ACTR8: variants seen among roughly 807,000 people sequenced by gnomAD.
The protein encoded by ACTR8 is actin related protein 8, also known as actin-related protein 8.
A neutral mutation model predicts 84.3 loss-of-function variants in ACTR8; 70 were observed. That is an observed-to-expected ratio of 0.83 (90% CI 0.68 to 1.01). The LOEUF is 1.01. ACTR8 is among the 50% of genes least tolerant of loss of function. ACTR8 has a pLI of 0.00. For missense variants in ACTR8, 672 were observed against 775.4 expected, an observed-to-expected ratio of 0.87 and a Z score of 1.58; for synonymous variants, 268 against 275.2, an observed-to-expected ratio of 0.97 and a Z score of 0.26.
rs374403195 is a variant in ACTR8, at chr3:53,871,401, G to T, written c.1398C>A (p.Leu466=). ...RGQSSDLPER[L]HSQEVDLGSA... ...ACCCCAAATCTACCTCCTGGGAATGGAGTCTTTCTGGAAGATCAGAGGACT... is the reference window on the plus strand; with the variant it reads ...ACCCCAAATCTACCTCCTGGGAATGTAGTCTTTCTGGAAGATCAGAGGACT... The change falls in exon 11 of 13, where the codon CTC becomes CTA. Residue 466 remains leucine (L), a synonymous_variant. Transcript: ENST00000335754. The T allele has an allele frequency of 1.2e-6, 2 of 1,614,250 alleles. No homozygotes were observed. The highest frequency in any genetic ancestry group is 1.1e-5 in the South Asian group (1 of 91,086).
Position 53,872,500 on chromosome 3 carries a change from C to A in ACTR8, c.1186G>T (p.Ala396Ser). 6.2e-7 allele frequency: 1 copy of A among 1,607,334 alleles called. No homozygotes were observed. The highest frequency in any genetic ancestry group is 8.5e-7 in the Non-Finnish European group (1 of 1,177,544). Reference sequence around the variant, plus strand: ...TTCTGTCCAACGATTCCAAAAGTTGCGGGGTAAAACAAAGCCATTGGAGCC... The same window carrying A: ...TTCTGTCCAACGATTCCAAAAGTTGAGGGGTAAAACAAAGCCATTGGAGCC... Reference protein sequence around the residue: ...LQAPMALFYPATFGIVGQKMT... With the variant: ...LQAPMALFYPSTFGIVGQKMT... Residue 396 changes from alanine (A) to serine (S), a missense_variant, in exon 10 of 13, where the codon GCA (alanine) becomes TCA (serine). By Grantham distance (99) the Ala-to-Ser change is moderately conservative. Transcript: ENST00000335754.
chr3:53,873,527 C>T (rs1008452640), intron 8 of ACTR8, among the ~76,000 whole-genome samples: 11 of 152,178 alleles, frequency 7.2e-5, no homozygotes, highest in Non-Finnish European at 1.5e-4. Context: ...AATGATTAAA[C>T]ATTGATTGTT....
rs375589353 is a variant in ACTR8 at position 53,871,376 on chromosome 3, A to T, written c.1423T>A (p.Ser475Thr). Reference protein sequence around the residue: ...RLHSQEVDLGSAQGDGLMAGN... With the variant: ...RLHSQEVDLGTAQGDGLMAGN... Reference sequence around the variant, plus strand: ...GCCATCAGGCCATCTCCCTGTGCAGACCCCAAATCTACCTCCTGGGAATGG... The same window carrying T: ...GCCATCAGGCCATCTCCCTGTGCAGTCCCCAAATCTACCTCCTGGGAATGG... Residue 475 changes from serine to threonine, a missense_variant, in exon 11 of 13, where the codon TCT (serine) becomes ACT (threonine). Transcript: ENST00000335754. 4 of 1,614,076 alleles carry T rather than the reference A, an allele frequency of 2.5e-6. No individual in the cohort carries two copies. In the African/African-American group the frequency reaches 4.0e-5, roughly 16 times the overall value.
intron 3 of ACTR8, 34 bp from the exon 4 acceptor site, chr3:53,877,785 T>C: frequency 1.3e-6 from 2 of 1,583,560 alleles, no homozygotes; most frequent in Non-Finnish European, 1.7e-6. Context: ...ATTATCTCAA[T>C]TTATTCAAGG....
downstream of ACTR8, among the ~76,000 whole-genome samples, chr3:53,863,762 G>C (rs1419616302): frequency 6.6e-6 from 1 of 151,830 alleles, no homozygotes; most frequent in African/African-American, 2.4e-5. Flanking sequence ...CAGAGGTCAA[G>C]TGTCCCTGTT....
chr3:53,875,676 T>G (rs1182602088), intron 7 of ACTR8, among the ~76,000 whole-genome samples: 1 of 152,242 alleles, frequency 6.6e-6, no homozygotes, highest in Non-Finnish European at 1.5e-5. Flanking sequence ...CTGTTTACGT[T>G]TCCCCTATGG....
At position 53,870,294 on chromosome 3, in the gene ACTR8, T is replaced by C. The variant is rs1699863682; in HGVS notation, c.1568-149A>G. ...CTCCACACTGCAGCCAGGGGAACCC[T>C]ACGAAACACAAATGTAGGCATGTTG... On this transcript the variant is annotated intron_variant, in intron 11 of 12. Transcript: ENST00000335754. The surrounding 1 kb of genome is among the most constrained non-coding windows in gnomAD (Gnocchi z 4.1). The C allele has an allele frequency of 1.1e-6, 1 of 870,356 alleles. No individual in the cohort carries two copies. Among genetic ancestry groups the C allele is most frequent in the Admixed American group, 2.5e-5 (1 of 39,966 alleles). The allele number at this position is 870,356 out of a possible 1,614,324, so 53.9% of individuals were successfully genotyped here.
chr3:53,880,415 G>A (rs911790406), intron 1 of ACTR8, among the ~76,000 whole-genome samples: 1 of 152,176 alleles, frequency 6.6e-6, no homozygotes, highest in Non-Finnish European at 1.5e-5. Flanking sequence ...AAGAAATGTT[G>A]CTATAGAATC....
intron 7 of ACTR8, among the ~76,000 whole-genome samples, chr3:53,875,645 A>C (rs1272728083): frequency 6.6e-6 from 1 of 152,218 alleles, no homozygotes; most frequent in African/African-American, 2.4e-5. Flanking sequence ...ATGCCAAACC[A>C]CAGCTAAAGA....
chr3:53,871,019 A>G (rs1254847528), intron 11 of ACTR8: 1 of 593,840 alleles, frequency 1.7e-6, no homozygotes, highest in Non-Finnish European at 2.8e-6. Context: ...ACATTTGTGT[A>G]ATAATCTGAC....
At chr3:53,871,151 A>G in intron 11 of ACTR8, 81 bp downstream of exon 11, 2 of 1,525,064 alleles carry the variant, frequency 1.3e-6, no homozygotes, top group South Asian at 1.2e-5. Flanking sequence ...TATACTGCAC[A>G]AGTATATCCT....
chr3:53,876,040 T>C lies in ACTR8; in HGVS notation c.819A>G (p.Gly273=). Residue 273 remains glycine, a synonymous_variant, in exon 7 of 13, where the codon GGA becomes GGG. Transcript: ENST00000335754. ...VHQESVCATY[G]SGLSSTCIVD... Reference sequence around the variant, plus strand: ...CAATACACGTGCTGCTTAAGCCACTTCCATAGGTGGCACACACAGACTCCT... The same window carrying C: ...CAATACACGTGCTGCTTAAGCCACTCCCATAGGTGGCACACACAGACTCCT... 1 of 1,613,976 alleles carries C rather than the reference T, an allele frequency of 6.2e-7. No homozygotes were observed. The highest frequency in any genetic ancestry group is 8.5e-7 in the Non-Finnish European group (1 of 1,180,022).
intron 8 of ACTR8, 54 bp downstream of exon 8, chr3:53,874,157 T>C: frequency 6.4e-7 from 1 of 1,561,982 alleles, no homozygotes; most frequent in Non-Finnish European, 8.7e-7. Flanking sequence ...CTTTTAAATC[T>C]CTTAAATTTT....
In ACTR8 at chr3:53,871,318, A is replaced by G; in HGVS notation, c.1481T>C (p.Leu494Pro). The G allele has an allele frequency of 6.2e-7, 1 of 1,614,258 alleles. No individual in the cohort carries two copies. The highest frequency in any genetic ancestry group is 8.5e-7 in the Non-Finnish European group (1 of 1,180,042). The change falls in exon 11 of 13, where the codon CTG (leucine) becomes CCG (proline). Residue 494 changes from leucine to proline, a missense_variant. Transcript: ENST00000335754. ...GNDSEEALTA[L>P]MSRKTAISLF... Reference sequence around the variant, plus strand: ...CGAGATGGCAGTCTTCCTGGACATCAGTGCAGTGAGGGCCTCCTCGGAATC... The same window carrying G: ...CGAGATGGCAGTCTTCCTGGACATCGGTGCAGTGAGGGCCTCCTCGGAATC...
chr3:53,868,805 T>C lies in ACTR8; in HGVS notation c.1789A>G (p.Thr597Ala). 6.2e-7 allele frequency: 1 copy of C among 1,614,226 alleles called. No homozygotes were observed. The highest frequency in any genetic ancestry group is 8.5e-7 in the Non-Finnish European group (1 of 1,180,044). The change falls in exon 13 of 13, where the codon ACA becomes GCA. Residue 597 changes from threonine to alanine, a missense_variant. Physicochemically the swap from Thr to Ala is moderately conservative, Grantham distance 58. Transcript: ENST00000335754. ...TGATAAATCCACAGTTCCTGTGTTG[T>C]ATCCAAACAAGCCAACACTGCCCCT... ...KGGAVLACLD[T>A]TQELWIYQRE...
At chr3:53,865,356 T>A (rs1453454934), downstream of ACTR8, 7 of 1,448,946 alleles carry the variant, frequency 4.8e-6, no homozygotes, top group Admixed American at 4.2e-5. Context: ...ATCCCACCAA[T>A]TACAGGGAAA....
At chr3:53,865,111 A>G (rs768231342), downstream of ACTR8, 5 of 1,614,184 alleles carry the variant, frequency 3.1e-6, no homozygotes, top group East Asian at 4.5e-5. Context: ...AAGAAGCCAG[A>G]TTCATCTGCA....
rs72009861 is a variant in ACTR8 at position 53,880,773 on chromosome 3, GTTC to G, written c.124-667_124-665del. On this transcript the variant is annotated intron_variant, in intron 1 of 12. Coordinates refer to ENST00000335754, the MANE Select transcript of ACTR8 (RefSeq NM_022899.5). Reference sequence around the variant, plus strand: ...TGTTGGCACAAGTGTCTTCCACACTGTTCTTCTTCCCTGAGATTCCCTCCTCCC... The same window carrying G: ...TGTTGGCACAAGTGTCTTCCACACTGTTCTTCCCTGAGATTCCCTCCTCCC... Among the ~76,000 whole-genome samples the G allele has an allele frequency of 2.6e-3, 396 of 152,282 alleles. 2 individuals are homozygous for G. The highest frequency in any genetic ancestry group is 8.9e-3 in the African/African-American group (368 of 41,550).
downstream of ACTR8, among the ~76,000 whole-genome samples, chr3:53,863,760 A>G (rs1699660350): frequency 6.6e-6 from 1 of 152,142 alleles, no homozygotes; most frequent in Non-Finnish European, 1.5e-5. Context: ...TGCAGAGGTC[A>G]AGTGTCCCTG....
Sources: allele counts gnomAD v4.1 joint callset (sites outside exome capture counted in the v4.1 genomes callset), GRCh38; gene constraint gnomAD v4.1.1; non-coding constraint Gnocchi (gnomAD v3.1); transcripts MANE v1.5; gene names NCBI Gene and HGNC (gene_info 2026-07-23, HGNC 2026-07-21).